The following ABCA9 variants were observed in gnomAD, a reference collection of about 807,000 sequenced individuals.
The protein encoded by ABCA9 is ATP-binding cassette sub-family A member 9.
In ABCA9, 183 loss-of-function variants were observed where a neutral mutation model predicts 205.3. The ratio of observed to expected loss-of-function variants is 0.89; its 90% confidence interval spans 0.79 to 1.01. ABCA9 has a LOEUF of 1.01. Among genes scored for constraint, ABCA9 ranks in the 50% least tolerant of loss-of-function variants. ABCA9 has a pLI of 0.00. For missense variants in ABCA9, 1,805 were observed against 1,912.4 expected (o/e 0.94, Z 1.05); for synonymous variants, 651 against 683.3 (o/e 0.95, Z 0.74).
At chr17:69,063,033 G>C (rs77793880), upstream of ABCA9, among the ~76,000 whole-genome samples, 1 of 151,888 alleles carries the variant, frequency 6.6e-6, no homozygotes. Context: ...CCCATTTTAC[G>C]GACCAGAAAG....
chr17:69,058,980 A>G (rs2072153295), intron 1 of ABCA9, among the ~76,000 whole-genome samples: 1 of 152,168 alleles, frequency 6.6e-6, no homozygotes, highest in Non-Finnish European at 1.5e-5. Context: ...ATATGGTGCC[A>G]GGCAAGAGAG....
rs367829476 is a variant in ABCA9, at chr17:68,995,924, A to T, written c.3526T>A (p.Leu1176Met). ...GAAAAAATGAATAGAGAGCCAATCA[A>T]TGTGAAGGGAGGTATTAACATGGTG... is the stretch of plus-strand genomic sequence containing the variant. ...FGTMLIPPFT[L>M]IGSLFIFSEI... Residue 1176 changes from leucine (L) to methionine (M), a missense_variant, in exon 26 of 39, where the codon TTG becomes ATG. Transcript: ENST00000340001. 10 of 1,613,760 alleles carry T rather than the reference A, an allele frequency of 6.2e-6. No homozygotes were observed. Among genetic ancestry groups the T allele is most frequent in the African/African-American group, 1.3e-5 (1 of 74,938 alleles).
intron 22 of ABCA9, among the ~76,000 whole-genome samples, chr17:69,015,597 A>G (rs913683625): frequency 2.0e-5 from 3 of 152,086 alleles, no homozygotes; most frequent in Non-Finnish European, 4.4e-5. Context: ...TTTTAATAGC[A>G]ATAATAATGA....
intron 25 of ABCA9, 32 bp downstream of exon 25, chr17:69,007,727 G>A (rs71375717): frequency 0.011 from 14,264 of 1,298,958 alleles, 111 homozygotes; most frequent in Non-Finnish European, 0.013. Context: ...TATGAAAAAT[G>A]GTAAAATAAT....
intron 30 of ABCA9, among the ~76,000 whole-genome samples, chr17:68,989,460 G>C (rs2069373853): frequency 6.6e-6 from 1 of 152,100 alleles, no homozygotes; most frequent in African/African-American, 2.4e-5. Flanking sequence ...TCACGAAATG[G>C]GCTGTTTTGG....
chr17:69,059,573 C>A (rs73354207), intron 1 of ABCA9, among the ~76,000 whole-genome samples: 4,704 of 152,190 alleles, frequency 0.031, 243 homozygotes, highest in African/African-American at 0.1. Flanking sequence ...TAGCCAACCC[C>A]TTGATGTTAG....
chr17:68,979,820 C>T (rs2068991264), intron 37 of ABCA9, among the ~76,000 whole-genome samples: 1 of 152,132 alleles, frequency 6.6e-6, no homozygotes, highest in African/African-American at 2.4e-5. Context: ...AGACCTAAAA[C>T]CATAAAAACC....
At chr17:68,993,677 A>C (rs2069525750) in intron 26 of ABCA9, among the ~76,000 whole-genome samples, 1 of 152,236 alleles carries the variant, frequency 6.6e-6, no homozygotes, top group African/African-American at 2.4e-5. Flanking sequence ...AGCAATTTTA[A>C]ACGCTTTGCA....
chr17:69,043,948 A>G (rs1261324997), intron 5 of ABCA9, among the ~76,000 whole-genome samples: 1 of 152,238 alleles, frequency 6.6e-6, no homozygotes, highest in East Asian at 1.9e-4. Context: ...AGACTAGCTG[A>G]AATGTCACTT....
At chr17:69,022,135 T>C (rs2070832678) in intron 17 of ABCA9, 1 of 160,684 alleles carries the variant, frequency 6.2e-6, no homozygotes, top group Non-Finnish European at 1.4e-5. Context: ...TAAAATTTAT[T>C]TTTGTTATAT....
At chr17:69,064,139 A>G (rs757933513), upstream of ABCA9, among the ~76,000 whole-genome samples, 12 of 152,126 alleles carry the variant, frequency 7.9e-5, no homozygotes, top group Non-Finnish European at 1.5e-4. Context: ...TGGTTACCCA[A>G]TCCTTTTCTT....
intron 2 of ABCA9, 25 bp downstream of exon 2, chr17:69,050,978 TAAAATACTTTTTCATCCTCTAAATATGA>T: frequency 6.5e-7 from 1 of 1,528,234 alleles, no homozygotes; most frequent in Non-Finnish European, 9.0e-7. Context: ...TGTTGCCTGA[TAAAATACTTTTTCATCCTCTAAATATGA>T]GAACACATAG....
At chr17:69,001,593 C>A (rs1301202130) in intron 25 of ABCA9, among the ~76,000 whole-genome samples, 1 of 151,656 alleles carries the variant, frequency 6.6e-6, no homozygotes, top group Non-Finnish European at 1.5e-5. Context: ...TTGGTTGTGT[C>A]TCTGCCCGGC....
At chr17:69,002,815 T>C (rs1360744246) in intron 25 of ABCA9, among the ~76,000 whole-genome samples, 2 of 142,750 alleles carry the variant, frequency 1.4e-5, no homozygotes, top group Non-Finnish European at 3.1e-5. Context: ...ATTGGGTGCA[T>C]ATATATTTAG....
At chr17:69,061,690 C>G (rs1462407488), upstream of ABCA9, among the ~76,000 whole-genome samples, 3 of 152,226 alleles carry the variant, frequency 2.0e-5, no homozygotes, top group African/African-American at 7.2e-5. Context: ...TTTAGTATGT[C>G]CTGCTTTCCA....
At position 69,032,284 on chromosome 17, in the gene ABCA9, AGCAGGAG is replaced by A. The variant is rs759270115; in HGVS notation, c.1277-15_1277-9del. 6.2e-7 allele frequency: 1 copy of A among 1,611,248 alleles called. No homozygotes were observed. The highest frequency in any genetic ancestry group is 8.5e-7 in the Non-Finnish European group (1 of 1,178,562). ...ATCGATGTCCATATTCAGCTATGTGAGCAGGAGGCAATTGAATACTGGGTCAGTCATC... is the reference window on the plus strand; with the variant it reads ...ATCGATGTCCATATTCAGCTATGTGAGCAATTGAATACTGGGTCAGTCATC... On this transcript the variant is annotated splice_polypyrimidine_tract_variant and intron_variant, in intron 9 of 38. Coordinates refer to ENST00000340001, the MANE Select transcript of ABCA9 (RefSeq NM_080283.4).
chr17:68,978,566 T>C (rs1458322261), intron 37 of ABCA9, among the ~76,000 whole-genome samples: 1 of 152,212 alleles, frequency 6.6e-6, no homozygotes, highest in Non-Finnish European at 1.5e-5. Context: ...CTAGCCTCAA[T>C]GGTCTTTACA....
intron 10 of ABCA9, among the ~76,000 whole-genome samples, chr17:69,031,362 C>T (rs2071142179): frequency 1.3e-5 from 2 of 152,128 alleles, no homozygotes; most frequent in African/African-American, 4.8e-5. Flanking sequence ...GCAAATGCTG[C>T]TCTTTGTTGT....
chr17:68,985,026 C>G (rs759068181), intron 33 of ABCA9, 27 bp downstream of exon 33: 8 of 1,614,196 alleles, frequency 5.0e-6, no homozygotes, highest in Non-Finnish European at 6.8e-6. Context: ...ACGGCACTTG[C>G]AGAGCAACAA....
Sources: allele counts gnomAD v4.1 joint callset (sites outside exome capture counted in the v4.1 genomes callset), GRCh38; gene constraint gnomAD v4.1.1; transcripts MANE v1.5; gene names NCBI Gene and HGNC (gene_info 2026-07-23, HGNC 2026-07-21).